Variants in TKT observed in about 807,000 individuals in gnomAD.
TKT encodes the protein transketolase.
TKT carries 47 observed loss-of-function variants against 63.9 expected under a neutral mutation model. The observed-to-expected ratio is 0.74, with a 90% confidence interval of 0.58 to 0.94. The LOEUF (loss-of-function observed/expected upper bound fraction) is 0.94. TKT is among the 40% of genes least tolerant of loss of function. The pLI is 0.00. For synonymous variants in TKT, 338 were observed against 334.1 expected (o/e 1.01, Z -0.13); for missense variants, 721 against 846.2 (o/e 0.85, Z 1.84).
At chr3:53,239,762 T>G (rs1027714151) in intron 4 of TKT, among the ~76,000 whole-genome samples, 1 of 152,198 alleles carries the variant, frequency 6.6e-6, no homozygotes, top group African/African-American at 2.4e-5. Flanking sequence ...TCCCTGCTGA[T>G]AGGAGGTGGC....
intron 2 of TKT, chr3:53,241,897 G>A (rs189821598): frequency 7.3e-5 from 40 of 548,250 alleles, no homozygotes; most frequent in African/African-American, 6.8e-4. Flanking sequence ...CGTTGTTTAT[G>A]TACCTGGGCT....
rs782211145 is a variant in TKT at position 53,241,192 on chromosome 3, G to A, written c.279C>T (p.Ala93=). Residue 93 remains alanine, a synonymous_variant, in exon 3 of 14, where the codon GCC becomes GCT. Transcript: ENST00000462138. ...TCCTCAGGTTCAGCAGCTCCGCCTC[G>A]GCCAGGAAACCAGCTTCAGCCCAGA... ...YAVWAEAGFL[A]EAELLNLRKI... 46 of 1,596,846 alleles carry A rather than the reference G, an allele frequency of 2.9e-5. No homozygotes were observed. The highest frequency in any genetic ancestry group is 5.3e-5 in the Admixed American group (3 of 57,054).
At chr3:53,249,031 A>G (rs571400003) in intron 1 of TKT, among the ~76,000 whole-genome samples, 164 of 152,056 alleles carry the variant, frequency 1.1e-3, no homozygotes, top group African/African-American at 3.9e-3. Context: ...CAGTGGTACA[A>G]TCTTGGCTCA....
At position 53,227,873 on chromosome 3, in the gene TKT, C is replaced by A; in HGVS notation, c.1573+183G>T. On this transcript the variant is annotated intron_variant, in intron 12 of 13. Transcript: ENST00000462138. The stretch of plus-strand genomic sequence containing the variant: ...GCACTGCAGCCCCAGGACTTAGCAA[C>A]ATGCCAGACAGAACAAGTGCTCAAA... The A allele has an allele frequency of 5.1e-6, 3 of 585,022 alleles. 1 individual carries two copies. The highest frequency in any genetic ancestry group is 8.9e-6 in the Non-Finnish European group (3 of 335,992). The allele number at this position is 585,022 out of a possible 1,614,324, so 36.2% of individuals were successfully genotyped here. A position where few individuals can be genotyped will look rare whatever the true frequency, so the allele number is the denominator to read the frequency against.
intron 12 of TKT, 157 bp downstream of exon 12, chr3:53,227,899 G>A: frequency 1.5e-6 from 1 of 657,822 alleles, no homozygotes; most frequent in Admixed American, 2.9e-5. Context: ...AGTGCTCAAA[G>A]GATGGCTATA....
At chr3:53,226,600 G>T in intron 13 of TKT, 156 bp downstream of exon 13, 3 of 1,039,940 alleles carry the variant, frequency 2.9e-6, no homozygotes, top group Non-Finnish European at 4.2e-6. Context: ...CAAGCCTGAG[G>T]CCTTTTAAGA....
At chr3:53,232,898 C>T (rs939641066) in intron 6 of TKT, 16 of 458,936 alleles carry the variant, frequency 3.5e-5, no homozygotes, top group Non-Finnish European at 4.6e-5. Context: ...ACCTTCCTCT[C>T]ACCCACAGAC....
Position 53,230,143 on chromosome 3 carries a change from C to T in TKT, c.1107+314G>A, listed in dbSNP as rs111371204. Among the ~76,000 whole-genome samples the T allele has an allele frequency of 3.2e-3, 483 of 152,286 alleles. 2 individuals are homozygous for T. Among genetic ancestry groups the T allele is most frequent in the African/African-American group, 0.011 (456 of 41,558 alleles). On this transcript the variant is annotated intron_variant, in intron 8 of 13. Coordinates refer to ENST00000462138, the MANE Select transcript of TKT (RefSeq NM_001064.4). ...ACCCATCACGGCCCCACCTACTGGC[C>T]AGGCCTGTCCTCCACCTGGAAGAGA...
intron 3 of TKT, 132 bp from the exon 4 acceptor site, chr3:53,240,480 AC>A (rs1362298426): frequency 2.9e-6 from 2 of 685,162 alleles, no homozygotes; most frequent in Non-Finnish European, 2.4e-6. Context: ...GATGGCCTCT[AC>A]CTAGCATGTG....
intron 4 of TKT, among the ~76,000 whole-genome samples, chr3:53,236,719 G>A (rs1387341120): frequency 6.6e-6 from 1 of 152,232 alleles, no homozygotes; most frequent in Admixed American, 6.5e-5. Flanking sequence ...TCGAACCGAG[G>A]CTAGCACTGG....
intron 1 of TKT, among the ~76,000 whole-genome samples, chr3:53,254,492 C>T (rs1202217639): frequency 6.6e-6 from 1 of 152,336 alleles, no homozygotes; most frequent in East Asian, 1.9e-4. Flanking sequence ...TGCGTATCCA[C>T]CCAGAAAGGT....
At chr3:53,233,090 A>C in intron 6 of TKT, 66 bp downstream of exon 6, 7 of 1,379,342 alleles carry the variant, frequency 5.1e-6, no homozygotes, top group Non-Finnish European at 7.1e-6. Flanking sequence ...TGTGCGGGTC[A>C]GAGCTACGTA....
At chr3:53,250,057 A>G (rs1553681443) in intron 1 of TKT, among the ~76,000 whole-genome samples, 2 of 152,204 alleles carry the variant, frequency 1.3e-5, no homozygotes, top group Admixed American at 6.5e-5. Flanking sequence ...CTTCACTTCC[A>G]GTTTCTTAAA....
chr3:53,242,306 C>T lies in TKT; in HGVS notation c.108-64G>A, dbSNP rs2106706507. 6.6e-6 allele frequency: 10 copies of T among 1,505,506 alleles called. No homozygotes were observed. In the South Asian group the frequency reaches 1.0e-4, roughly 15 times the overall value. 93.3% of individuals were successfully genotyped at this position (1,505,506 alleles called of 1,614,324 possible). On this transcript the variant is annotated intron_variant, in intron 1 of 13. Transcript: ENST00000462138. ...CCCTGCACTCCTGAGCTATTGTGCT[C>T]AGCTGTACAGGGACCTGGGGGTGCA...
intron 4 of TKT, among the ~76,000 whole-genome samples, chr3:53,239,323 TA>T (rs1705172139): frequency 6.6e-6 from 1 of 152,064 alleles, no homozygotes; most frequent in African/African-American, 2.4e-5. Flanking sequence ...ATTTTTTTTT[TA>T]AAGAGGCAGA....
chr3:53,254,444 T>A (rs1338698618), intron 1 of TKT, among the ~76,000 whole-genome samples: 1 of 151,944 alleles, frequency 6.6e-6, no homozygotes, highest in Non-Finnish European at 1.5e-5. Flanking sequence ...ATCTAATCCC[T>A]TCTGAGAACA....
chr3:53,237,495 TACAC>T (rs3075727), intron 4 of TKT, among the ~76,000 whole-genome samples: 3,310 of 144,830 alleles, frequency 0.023, 51 homozygotes, highest in African/African-American at 0.04. Flanking sequence ...TTTTATATTA[TACAC>T]ACACACACAC....
intron 1 of TKT, among the ~76,000 whole-genome samples, chr3:53,250,837 A>C (rs1705712635): frequency 6.6e-6 from 1 of 152,080 alleles, no homozygotes; most frequent in Non-Finnish European, 1.5e-5. Context: ...GCTGGAGTGC[A>C]GAGCCATGAT....
intron 1 of TKT, among the ~76,000 whole-genome samples, chr3:53,242,518 T>G (rs1553680129): frequency 6.6e-6 from 1 of 152,024 alleles, no homozygotes; most frequent in African/African-American, 2.4e-5. Context: ...ACTGAAAATA[T>G]CTGGGGTTGG....
Sources: allele counts gnomAD v4.1 joint callset (sites outside exome capture counted in the v4.1 genomes callset), GRCh38; gene constraint gnomAD v4.1.1; transcripts MANE v1.5; gene names NCBI Gene and HGNC (gene_info 2026-07-23, HGNC 2026-07-21).